CWC27: variants seen among roughly 807,000 people sequenced by gnomAD.
The protein encoded by CWC27 is CWC27 spliceosome associated cyclophilin, also known as spliceosome-associated protein CWC27 homolog.
Under a neutral mutation model 63.6 loss-of-function variants are expected in CWC27, and 47 were observed. That is an observed-to-expected ratio of 0.74 (90% CI 0.58 to 0.94). The LOEUF is 0.94. CWC27 is among the 40% of genes least tolerant of loss of function. The pLI is 0.00. For missense variants in CWC27, 495 were observed against 554.3 expected, an observed-to-expected ratio of 0.89 and a Z score of 1.07; for synonymous variants, 175 against 179.8, an observed-to-expected ratio of 0.97 and a Z score of 0.22.
rs140700749 is a variant in CWC27 at position 64,839,295 on chromosome 5, G to A, written c.938+34909G>A. On this transcript the variant is annotated intron_variant, in intron 10 of 13. Transcript: ENST00000381070. ...TACTGGATTTTGAATTGTGATGGCC[G>A]TGTGAAGCATTCAAGAATGAAGAAG... is the stretch of plus-strand genomic sequence containing the variant. 1.8e-3 allele frequency among the ~76,000 whole-genome samples: 268 copies of A among 152,302 alleles called. 1 individual carries two copies. Among genetic ancestry groups the A allele is most frequent in the African/African-American group, 6.3e-3 (263 of 41,568 alleles).
chr5:64,817,981 T>TA (rs1332090094), intron 10 of CWC27, among the ~76,000 whole-genome samples: 1 of 152,146 alleles, frequency 6.6e-6, no homozygotes, highest in Non-Finnish European at 1.5e-5. Flanking sequence ...TAATACATGT[T>TA]ACTGCTTTTT....
chr5:64,995,241 G>GGATT (rs1445327332), intron 13 of CWC27, among the ~76,000 whole-genome samples: 1 of 152,072 alleles, frequency 6.6e-6, no homozygotes, highest in African/African-American at 2.4e-5. Flanking sequence ...CAAAGTGCTA[G>GGATT]GATTACAGGT....
Position 65,018,145 on chromosome 5 carries a change from C to G in CWC27, c.1257-14C>G, listed in dbSNP as rs139437313. The G allele has an allele frequency of 1.3e-5, 20 of 1,573,658 alleles. No individual in the cohort carries two copies. The East Asian group carries it at 4.6e-4, about 36-fold the overall frequency. ...CATGCAAGAAATCACTGAACCATCTCTCTCCCTATTTAGGATGTCACATGT... is the reference window on the plus strand; with the variant it reads ...CATGCAAGAAATCACTGAACCATCTGTCTCCCTATTTAGGATGTCACATGT... On this transcript the variant is annotated splice_polypyrimidine_tract_variant and intron_variant, in intron 13 of 13. Transcript: ENST00000381070.
chr5:64,970,668 G>C (rs540816121), intron 11 of CWC27, among the ~76,000 whole-genome samples: 3 of 152,118 alleles, frequency 2.0e-5, no homozygotes, highest in African/African-American at 7.2e-5. Flanking sequence ...TTTAATGTTT[G>C]CAGCTGTCAG....
intron 11 of CWC27, among the ~76,000 whole-genome samples, chr5:64,892,120 A>G (rs1747253695): frequency 6.6e-6 from 1 of 152,230 alleles, no homozygotes; most frequent in Middle Eastern, 3.4e-3. Context: ...TTAAGAACCA[A>G]TGTATTTAGG....
At chr5:64,822,079 A>T (rs1013963476) in intron 10 of CWC27, among the ~76,000 whole-genome samples, 7 of 152,204 alleles carry the variant, frequency 4.6e-5, no homozygotes, top group Admixed American at 3.3e-4. Flanking sequence ...GGTAGAAAAC[A>T]ATACAAAGAT....
At position 64,822,892 on chromosome 5, in the gene CWC27, T is replaced by C. The variant is rs140889507; in HGVS notation, c.938+18506T>C. On this transcript the variant is annotated intron_variant, in intron 10 of 13. Coordinates refer to ENST00000381070, the MANE Select transcript of CWC27 (RefSeq NM_005869.4). The stretch of plus-strand genomic sequence containing the variant: ...GAAAATGAATATCAAATCACTACAG[T>C]AAATGAGGTAATGGTTTAGTGAGAA... Among the ~76,000 whole-genome samples, 252 of 152,292 alleles carry C rather than the reference T, an allele frequency of 1.7e-3. 1 individual carries two copies. The highest frequency in any genetic ancestry group is 5.9e-3 in the African/African-American group (245 of 41,562).
chr5:64,840,544 G>A (rs981408640), intron 10 of CWC27, among the ~76,000 whole-genome samples: 6 of 150,504 alleles, frequency 4.0e-5, no homozygotes, highest in African/African-American at 1.2e-4. Context: ...CTTTCTATGA[G>A]GCAGGTTTTT....
At chr5:64,833,313 T>G (rs1430633408) in intron 10 of CWC27, among the ~76,000 whole-genome samples, 1 of 151,814 alleles carries the variant, frequency 6.6e-6, no homozygotes, top group Non-Finnish European at 1.5e-5. Context: ...GATCCTCAGA[T>G]ACAGTTCTTT....
At chr5:64,777,544 GC>G (rs1386282018) in intron 2 of CWC27, among the ~76,000 whole-genome samples, 1 of 152,030 alleles carries the variant, frequency 6.6e-6, no homozygotes, top group African/African-American at 2.4e-5. Flanking sequence ...ATATGATAAT[GC>G]CCATAGATTA....
At chr5:64,776,879 A>G (rs1403860580) in intron 2 of CWC27, among the ~76,000 whole-genome samples, 2 of 152,156 alleles carry the variant, frequency 1.3e-5, no homozygotes, top group Admixed American at 6.5e-5. Context: ...TCATAGCCAA[A>G]GGATGGTTTA....
intron 11 of CWC27, among the ~76,000 whole-genome samples, chr5:64,901,502 G>A (rs546782698): frequency 6.6e-6 from 1 of 151,698 alleles, no homozygotes. Flanking sequence ...TGGTATACCT[G>A]TATAGGCACT....
chr5:64,944,327 C>T (rs1042421718), intron 11 of CWC27, among the ~76,000 whole-genome samples: 6 of 152,064 alleles, frequency 3.9e-5, no homozygotes, highest in African/African-American at 1.4e-4. Flanking sequence ...CTTAAATTTA[C>T]TCCAGTTAGA....
At chr5:64,842,731 G>A (rs1247787162) in intron 10 of CWC27, among the ~76,000 whole-genome samples, 1 of 152,028 alleles carries the variant, frequency 6.6e-6, no homozygotes, top group African/African-American at 2.4e-5. Context: ...CTCCTAAGTA[G>A]CAGGGACTGC....
chr5:64,935,494 T>A (rs1405555212), intron 11 of CWC27, among the ~76,000 whole-genome samples: 2 of 152,216 alleles, frequency 1.3e-5, no homozygotes, highest in Non-Finnish European at 2.9e-5. Flanking sequence ...CATGCTGTGT[T>A]GGTTACTGTA....
intron 10 of CWC27, among the ~76,000 whole-genome samples, chr5:64,833,092 T>C (rs1255968175): frequency 1.3e-5 from 2 of 151,834 alleles, no homozygotes; most frequent in East Asian, 1.9e-4. Context: ...ATTTAAAATA[T>C]GTAAAGCTCT....
At position 64,977,134 on chromosome 5, in the gene CWC27, G is replaced by C; in HGVS notation, c.1153-1G>C. 6 of 1,574,134 alleles carry C rather than the reference G, an allele frequency of 3.8e-6. No individual in the cohort carries two copies. The highest frequency in any genetic ancestry group is 5.2e-6 in the Non-Finnish European group (6 of 1,157,930). On this transcript the variant is annotated splice_acceptor_variant, in intron 12 of 13. Transcript: ENST00000381070. LOFTEE classifies it high-confidence loss of function. ...ACTTAGCAGTCTAATTGTTATTTCA[G>C]ACCCTTGCACTGCTGAACCAGTTTA...
At chr5:64,873,175 T>C (rs188466996) in intron 10 of CWC27, among the ~76,000 whole-genome samples, 1 of 152,298 alleles carries the variant, frequency 6.6e-6, no homozygotes, top group East Asian at 1.9e-4. Context: ...TTTCGTTTTG[T>C]TTTGTTTCGT....
chr5:64,945,212 GTTC>G (rs56772692), intron 11 of CWC27, among the ~76,000 whole-genome samples: 1,533 of 152,128 alleles, frequency 0.01, 29 homozygotes, highest in African/African-American at 0.035. Context: ...CTCCCAAATT[GTTC>G]TTCTCCACTT....
Sources: allele counts gnomAD v4.1 joint callset (sites outside exome capture counted in the v4.1 genomes callset), GRCh38; gene constraint gnomAD v4.1.1; transcripts MANE v1.5; gene names NCBI Gene and HGNC (gene_info 2026-07-23, HGNC 2026-07-21).